The following WRN variants were observed in gnomAD, a reference collection of about 807,000 sequenced individuals.
WRN encodes bifunctional 3'-5' exonuclease/ATP-dependent helicase WRN.
A neutral mutation model predicts 180.7 loss-of-function variants in WRN; 149 were observed. The ratio of observed to expected loss-of-function variants is 0.82; its 90% CI spans 0.72 to 0.94. The LOEUF is 0.94. Ranked by LOEUF, WRN falls within the 40% of genes least tolerant of loss-of-function variation. The probability of loss-of-function intolerance (pLI) is 0.00; values close to 1 mark genes in which losing one functional copy is unlikely to be tolerated. For synonymous variants in WRN, 548 were observed against 568.9 expected (o/e 0.96, Z 0.52); for missense variants, 1,661 against 1,700.1 (o/e 0.98, Z 0.40).
At chr8:31,143,068 C>T (rs369564156) in intron 27 of WRN, among the ~76,000 whole-genome samples, 2,234 of 144,376 alleles carry the variant, frequency 0.015, 55 homozygotes, top group African/African-American at 0.053. Flanking sequence ...CTCTCTCTCT[C>T]TCTCTCACAC....
chr8:31,081,855 G>A (rs1009254108), intron 9 of WRN, among the ~76,000 whole-genome samples: 1 of 151,964 alleles, frequency 6.6e-6, no homozygotes, highest in Non-Finnish European at 1.5e-5. Flanking sequence ...TCAACTCCTG[G>A]GCTTAAGCGA....
rs1411558487 is a variant in WRN at position 31,174,653 on chromosome 8, C to T, written c.*1551C>T. Among the ~76,000 whole-genome samples, 6 of 152,122 alleles carry T rather than the reference C, an allele frequency of 3.9e-5. No individual in the cohort carries two copies. The South Asian group carries it at 6.2e-4, about 16-fold the overall frequency. Reference sequence around the variant, plus strand: ...CCTTAACATAAAGACTTCTCTTTCTCTTCGCTTTCACTACTACTACTACTA... The same window carrying T: ...CCTTAACATAAAGACTTCTCTTTCTTTTCGCTTTCACTACTACTACTACTA... On this transcript the variant is annotated 3_prime_UTR_variant, in exon 35 of 35. Coordinates refer to ENST00000298139, the MANE Select transcript of WRN (RefSeq NM_000553.6).
chr8:31,144,424 C>T (rs896630824), intron 28 of WRN, among the ~76,000 whole-genome samples: 3 of 151,862 alleles, frequency 2.0e-5, no homozygotes, highest in Non-Finnish European at 2.9e-5. Context: ...CAATCTTCGC[C>T]TCCCGGGTTC....
At chr8:31,071,204 A>C (rs1237686933) in intron 7 of WRN, among the ~76,000 whole-genome samples, 1 of 152,194 alleles carries the variant, frequency 6.6e-6, no homozygotes, top group South Asian at 2.1e-4. Context: ...TGGGCGGATG[A>C]AGGCAAAGCA....
chr8:31,084,534 T>C (rs1813449781), intron 10 of WRN, among the ~76,000 whole-genome samples: 1 of 152,198 alleles, frequency 6.6e-6, no homozygotes, highest in Admixed American at 6.5e-5. Flanking sequence ...ATGTTTGGCA[T>C]TTTTTGAGGG....
rs527508711 is a variant in WRN, at chr8:31,103,970, G to A, written c.2088+3015G>A. Among the ~76,000 whole-genome samples, 14 of 152,196 alleles carry A rather than the reference G, an allele frequency of 9.2e-5. 1 individual carries two copies. Among genetic ancestry groups the A allele is most frequent in the Middle Eastern group, 6.8e-3 (2 of 294 alleles). On this transcript the variant is annotated intron_variant, in intron 18 of 34. Transcript: ENST00000298139. ...AGGATGGTCTCGATCTCCTGACCTCGTGATCCACCTGCCTCGGCCTCCCAA... is the reference window on the plus strand; with the variant it reads ...AGGATGGTCTCGATCTCCTGACCTCATGATCCACCTGCCTCGGCCTCCCAA...
At chr8:31,152,368 A>G (rs992629907) in intron 31 of WRN, among the ~76,000 whole-genome samples, 2 of 152,114 alleles carry the variant, frequency 1.3e-5, no homozygotes, top group Non-Finnish European at 2.9e-5. Flanking sequence ...GTATGGCATA[A>G]ATATGTACAA....
intron 18 of WRN, among the ~76,000 whole-genome samples, chr8:31,101,765 C>T (rs1585457138): frequency 1.1e-5 from 1 of 90,820 alleles, no homozygotes; most frequent in Non-Finnish European, 2.0e-5. Flanking sequence ...CCAGCCTGGG[C>T]AACAAGAGCG....
intron 23 of WRN, among the ~76,000 whole-genome samples, chr8:31,130,004 C>CAAAAAAAAAA (rs374855114): frequency 3.8e-5 from 3 of 78,052 alleles, no homozygotes; most frequent in Admixed American, 1.7e-4. Flanking sequence ...ACTCTTGTCT[C>CAAAAAAAAAA]AAAAAAAAAA....
rs778633656 is a variant in WRN at position 31,033,993 on chromosome 8, C to G, written c.-77+20C>G. On this transcript the variant is annotated intron_variant, in intron 1 of 34. Coordinates refer to ENST00000298139, the MANE Select transcript of WRN (RefSeq NM_000553.6). ...CTCGGGGTAAAGTGTCTTCCTATTCCCGTTTTCCCAGCTCCGTGCCCCGGG... is the reference window on the plus strand; with the variant it reads ...CTCGGGGTAAAGTGTCTTCCTATTCGCGTTTTCCCAGCTCCGTGCCCCGGG... 2 of 152,364 alleles carry G rather than the reference C, an allele frequency of 1.3e-5. No individual in the cohort carries two copies. The highest frequency in any genetic ancestry group is 2.9e-5 in the Non-Finnish European group (2 of 68,166). 9.4% of individuals were successfully genotyped at this position (152,364 alleles called of 1,614,324 possible). A position where few individuals can be genotyped will look rare whatever the true frequency, so the allele number is the denominator to read the frequency against.
chr8:31,142,770 T>C (rs1315638444), intron 27 of WRN, 69 bp downstream of exon 27: 10 of 1,353,438 alleles, frequency 7.4e-6, no homozygotes, highest in Admixed American at 2.0e-5. Context: ...TAAAATTTTA[T>C]ATTTTAATTC....
At chr8:31,046,244 A>C (rs1180632699) in intron 1 of WRN, among the ~76,000 whole-genome samples, 1 of 152,176 alleles carries the variant, frequency 6.6e-6, no homozygotes, top group African/African-American at 2.4e-5. Flanking sequence ...CAAATAGATA[A>C]AATTACTTGT....
intron 23 of WRN, among the ~76,000 whole-genome samples, chr8:31,126,282 C>T (rs1292756799): frequency 6.6e-6 from 1 of 152,032 alleles, no homozygotes; most frequent in Non-Finnish European, 1.5e-5. Context: ...ATTTAAGAAT[C>T]TTGTATTTGT....
chr8:31,132,601 C>T, intron 24 of WRN, 95 bp downstream of exon 24: 1 of 1,540,946 alleles, frequency 6.5e-7, no homozygotes, highest in South Asian at 1.1e-5. Context: ...GTAGCTTTGA[C>T]TTCAGATGGG....
At chr8:31,097,636 G>A (rs935565499) in intron 17 of WRN, among the ~76,000 whole-genome samples, 3 of 152,036 alleles carry the variant, frequency 2.0e-5, no homozygotes, top group Non-Finnish European at 2.9e-5. Flanking sequence ...AAAATTGGCC[G>A]AGCCTGGTGG....
At chr8:31,079,567 G>C (rs1258735387) in intron 8 of WRN, among the ~76,000 whole-genome samples, 2 of 151,910 alleles carry the variant, frequency 1.3e-5, no homozygotes, top group East Asian at 3.9e-4. Context: ...AACTAGATTG[G>C]GTTTATAATA....
chr8:31,062,017 G>A (rs748163578), intron 3 of WRN, among the ~76,000 whole-genome samples: 6 of 152,098 alleles, frequency 3.9e-5, no homozygotes, highest in African/African-American at 1.2e-4. Context: ...CCAGGGCTCT[G>A]AACTCTGTCT....
At chr8:31,120,023 AT>A in intron 20 of WRN, 1 of 541,372 alleles carries the variant, frequency 1.8e-6, no homozygotes, top group Non-Finnish European at 3.3e-6. Context: ...TTTATTTACT[AT>A]TTTTTATAGA....
At chr8:31,092,454 TGTGTGTATATGTAC>T (rs1244079935) in intron 16 of WRN, among the ~76,000 whole-genome samples, 1 of 150,950 alleles carries the variant, frequency 6.6e-6, no homozygotes, top group Non-Finnish European at 1.5e-5. Context: ...TGTGTGTGTG[TGTGTGTATATGTAC>T]ACACACACAC....
Sources: allele counts gnomAD v4.1 joint callset (sites outside exome capture counted in the v4.1 genomes callset), GRCh38; gene constraint gnomAD v4.1.1; transcripts MANE v1.5; gene names NCBI Gene and HGNC (gene_info 2026-07-23, HGNC 2026-07-21).